The following MGAT5 variants were observed in gnomAD, a reference collection of about 807,000 sequenced individuals.
The protein encoded by MGAT5 is alpha-1,6-mannosylglycoprotein 6-beta-N-acetylglucosaminyltransferase A.
A neutral mutation model predicts 94.3 loss-of-function variants in MGAT5; 30 were observed. That is an observed-to-expected ratio of 0.32 (90% CI 0.24 to 0.43). The LOEUF is 0.43. MGAT5 is among the 20% of genes least tolerant of loss of function. MGAT5 has a pLI of 1.00. For synonymous variants in MGAT5, 310 were observed against 322.9 expected (o/e 0.96, Z 0.43); for missense variants, 691 against 905.5 (o/e 0.76, Z 3.04).
chr2:134,318,714 G>A lies in MGAT5; in HGVS notation c.548G>A (p.Cys183Tyr). Reference sequence around the variant, plus strand: ...GACTATGGAGTGGATGGATCCACCTGCTCTTTTTTTATTTACCTCAGTGAG... The same window carrying A: ...GACTATGGAGTGGATGGATCCACCTACTCTTTTTTTATTTACCTCAGTGAG... Reference protein sequence around the residue: ...YADYGVDGSTCSFFIYLSEVE... With the variant: ...YADYGVDGSTYSFFIYLSEVE... Residue 183 changes from cysteine (C) to tyrosine (Y), a missense_variant, in exon 4 of 16, where the codon TGC becomes TAC. Around this residue, in one of 4 missense-constraint regions of MGAT5, gnomAD observed 307 missense variants for 335.4 expected, o/e 0.92. Coordinates refer to ENST00000281923, the MANE Select transcript of MGAT5 (RefSeq NM_002410.5). The A allele has an allele frequency of 6.2e-7, 1 of 1,613,274 alleles. No individual in the cohort carries two copies. The highest frequency in any genetic ancestry group is 2.2e-5 in the East Asian group (1 of 44,844).
intron 10 of MGAT5, among the ~76,000 whole-genome samples, chr2:134,376,630 C>G (rs1332538297): frequency 6.6e-6 from 1 of 152,202 alleles, no homozygotes; most frequent in Non-Finnish European, 1.5e-5. Context: ...TCTGGAAGAG[C>G]CTTCCTTGCT....
intron 4 of MGAT5, among the ~76,000 whole-genome samples, chr2:134,326,406 G>T (rs1358867409): frequency 6.6e-6 from 1 of 152,006 alleles, no homozygotes; most frequent in Non-Finnish European, 1.5e-5. Context: ...CAGACCTTTT[G>T]ACATGACCAT....
intron 1 of MGAT5, among the ~76,000 whole-genome samples, chr2:134,167,830 A>G (rs776305734): frequency 6.6e-6 from 1 of 152,190 alleles, no homozygotes; most frequent in Non-Finnish European, 1.5e-5. Flanking sequence ...GGCTACAACT[A>G]TTATCTCTGT....
chr2:134,384,416 G>T (rs902279151), intron 10 of MGAT5, among the ~76,000 whole-genome samples: 1 of 152,184 alleles, frequency 6.6e-6, no homozygotes, highest in African/African-American at 2.4e-5. Flanking sequence ...CAGTTTTTCA[G>T]GGTTCTTTCT....
At chr2:134,146,276 G>A (rs1225406430) in intron 1 of MGAT5, among the ~76,000 whole-genome samples, 1 of 152,162 alleles carries the variant, frequency 6.6e-6, no homozygotes, top group Non-Finnish European at 1.5e-5. Flanking sequence ...CGTTTGAGTA[G>A]GCCAGGTGCG....
chr2:134,194,660 G>A (rs907800008), intron 1 of MGAT5, among the ~76,000 whole-genome samples: 6 of 151,984 alleles, frequency 3.9e-5, no homozygotes, highest in African/African-American at 1.5e-4. Flanking sequence ...TCCCTCCCCC[G>A]GGAGGTCTAG....
intron 6 of MGAT5, among the ~76,000 whole-genome samples, chr2:134,340,684 C>T (rs893492603): frequency 3.3e-5 from 5 of 152,184 alleles, no homozygotes; most frequent in Admixed American, 3.3e-4. Context: ...GGGGTAGTTT[C>T]TCTTTATAGA....
intron 1 of MGAT5, among the ~76,000 whole-genome samples, chr2:134,265,583 ACTTTGATCTCGT>A (rs1392108562): frequency 6.6e-6 from 1 of 152,184 alleles, no homozygotes; most frequent in African/African-American, 2.4e-5. Flanking sequence ...TTTTTCAACT[ACTTTGATCTCGT>A]CTTCATCATG....
intron 1 of MGAT5, among the ~76,000 whole-genome samples, chr2:134,172,668 G>A (rs530122592): frequency 6.6e-6 from 1 of 152,318 alleles, no homozygotes; most frequent in East Asian, 1.9e-4. Flanking sequence ...TTACAGGTGT[G>A]AGCCACCATG....
chr2:134,241,112 T>C (rs1681947995), intron 1 of MGAT5, among the ~76,000 whole-genome samples: 2 of 152,242 alleles, frequency 1.3e-5, no homozygotes, highest in Non-Finnish European at 2.9e-5. Flanking sequence ...CTAAATGTAA[T>C]CTTCATAGCC....
intron 1 of MGAT5, among the ~76,000 whole-genome samples, chr2:134,246,324 A>C (rs1262377399): frequency 6.6e-6 from 1 of 152,094 alleles, no homozygotes; most frequent in African/African-American, 2.4e-5. Context: ...TTCACAGTTG[A>C]GCTTTTGGGC....
chr2:134,345,112 A>T (rs1196486787), intron 8 of MGAT5, 48 bp downstream of exon 8: 29 of 1,583,448 alleles, frequency 1.8e-5, no homozygotes, highest in Non-Finnish European at 2.5e-5. Context: ...TCCCCTCCTT[A>T]ACAAAGGTTG....
chr2:134,167,114 TAAA>T (rs1687997900), intron 1 of MGAT5, among the ~76,000 whole-genome samples: 2 of 152,210 alleles, frequency 1.3e-5, no homozygotes, highest in Non-Finnish European at 2.9e-5. Context: ...CTGAGGTTGA[TAAA>T]GGACAAGCTT....
intron 1 of MGAT5, among the ~76,000 whole-genome samples, chr2:134,161,255 T>C (rs1437844842): frequency 6.6e-6 from 1 of 152,204 alleles, no homozygotes; most frequent in Non-Finnish European, 1.5e-5. Flanking sequence ...CCGGGGAAGA[T>C]CCTGTTGAGC....
At chr2:134,297,371 T>C (rs1573733461) in intron 2 of MGAT5, among the ~76,000 whole-genome samples, 2 of 151,896 alleles carry the variant, frequency 1.3e-5, no homozygotes, top group Non-Finnish European at 1.5e-5. Context: ...CCATGAAATA[T>C]AGAAGGAGGG....
chr2:134,152,219 C>A (rs1175296630), intron 1 of MGAT5, among the ~76,000 whole-genome samples: 1 of 149,842 alleles, frequency 6.7e-6, no homozygotes, highest in African/African-American at 2.5e-5. Flanking sequence ...CTCACTCACA[C>A]CCTATGGGAC....
intron 13 of MGAT5, 104 bp from the exon 14 acceptor site, chr2:134,428,261 G>A (rs555947561): frequency 1.4e-5 from 14 of 1,019,116 alleles, no homozygotes; most frequent in Middle Eastern, 2.5e-4. Context: ...TCATGAGGCC[G>A]ACTCCTGGTG....
At chr2:134,356,911 T>C (rs1003107114) in intron 9 of MGAT5, among the ~76,000 whole-genome samples, 1 of 152,158 alleles carries the variant, frequency 6.6e-6, no homozygotes, top group Non-Finnish European at 1.5e-5. Flanking sequence ...TGCAACTCCT[T>C]CCTTCCCCAA....
chr2:134,359,444 A>G (rs1679945529), intron 9 of MGAT5, among the ~76,000 whole-genome samples: 1 of 152,240 alleles, frequency 6.6e-6, no homozygotes, highest in Non-Finnish European at 1.5e-5. Context: ...AACATGTTAC[A>G]CGGTTATGAG....
Sources: allele counts gnomAD v4.1 joint callset (sites outside exome capture counted in the v4.1 genomes callset), GRCh38; gene constraint gnomAD v4.1.1; regional missense constraint gnomAD v4.1.1; transcripts MANE v1.5; gene names NCBI Gene and HGNC (gene_info 2026-07-23, HGNC 2026-07-21).